The following MCM9 variants were observed in gnomAD, a reference collection of about 807,000 sequenced individuals.
MCM9 encodes the protein DNA helicase MCM9.
MCM9 carries 55 observed loss-of-function variants against 72.8 expected under a neutral mutation model. The ratio of observed to expected loss-of-function variants is 0.76; its 90% CI spans 0.61 to 0.95. The LOEUF is 0.95. Among genes scored for constraint, MCM9 ranks in the 40% least tolerant of loss-of-function variants. The probability of loss-of-function intolerance (pLI) is 0.00; values close to 1 mark genes in which losing one functional copy is unlikely to be tolerated. For missense variants in MCM9, 1,279 were observed against 1,377.0 expected (o/e 0.93, Z 1.13); for synonymous variants, 480 against 503.4 (o/e 0.95, Z 0.62).
At chr6:118,922,967 G>A (rs1038345221) in intron 4 of MCM9, among the ~76,000 whole-genome samples, 71 of 149,240 alleles carry the variant, frequency 4.8e-4, no homozygotes, top group African/African-American at 1.8e-3. Flanking sequence ...AGGAGGTAGA[G>A]GTTACAGTGA....
At chr6:118,854,113 T>C (rs1049678332) in intron 9 of MCM9, among the ~76,000 whole-genome samples, 6 of 152,238 alleles carry the variant, frequency 3.9e-5, no homozygotes, top group African/African-American at 9.6e-5. Context: ...TAAGTTCTAG[T>C]AGCTTTTCTT....
intron 8 of MCM9, among the ~76,000 whole-genome samples, chr6:118,898,425 A>ATTT (rs34394511): frequency 2.1e-5 from 3 of 140,540 alleles, no homozygotes; most frequent in South Asian, 2.3e-4. Flanking sequence ...TTATGTAATA[A>ATTT]TTTTTTTTTT....
At chr6:118,879,941 G>A (rs529774761) in intron 8 of MCM9, among the ~76,000 whole-genome samples, 3 of 151,998 alleles carry the variant, frequency 2.0e-5, no homozygotes, top group South Asian at 4.2e-4. Context: ...CCACTTGGGA[G>A]GCAAGGCAAG....
intron 8 of MCM9, among the ~76,000 whole-genome samples, chr6:118,893,020 G>A (rs747065844): frequency 1.3e-5 from 2 of 152,126 alleles, no homozygotes; most frequent in Admixed American, 6.5e-5. Flanking sequence ...CTCTGAATTT[G>A]GCCAAGTTTG....
At chr6:118,902,159 GT>G (rs1779837008) in intron 8 of MCM9, among the ~76,000 whole-genome samples, 1 of 152,154 alleles carries the variant, frequency 6.6e-6, no homozygotes, top group South Asian at 2.1e-4. Context: ...AAAGACATGG[GT>G]AACAGAATGC....
At chr6:118,847,893 A>G (rs1775980256) in intron 9 of MCM9, among the ~76,000 whole-genome samples, 1 of 152,014 alleles carries the variant, frequency 6.6e-6, no homozygotes, top group Non-Finnish European at 1.5e-5. Context: ...GTCAATAGCA[A>G]CATAGAAAGC....
chr6:118,898,710 G>A (rs868691476), intron 8 of MCM9, among the ~76,000 whole-genome samples: 6 of 152,274 alleles, frequency 3.9e-5, no homozygotes, highest in Middle Eastern at 3.4e-3. Flanking sequence ...GAGCCACTGC[G>A]CCCAGCCACT....
chr6:118,874,906 G>A (rs1314093388), intron 8 of MCM9, among the ~76,000 whole-genome samples: 1 of 152,206 alleles, frequency 6.6e-6, no homozygotes, highest in Admixed American at 6.5e-5. Context: ...CTGAGGTCAG[G>A]AGTTCGAGAC....
intron 8 of MCM9, among the ~76,000 whole-genome samples, chr6:118,899,312 C>T (rs1193487041): frequency 6.6e-6 from 1 of 152,210 alleles, no homozygotes; most frequent in Non-Finnish European, 1.5e-5. Flanking sequence ...CTTATGATGG[C>T]CTTCAAAACC....
chr6:118,841,771 A>G (rs1464868942), intron 9 of MCM9, among the ~76,000 whole-genome samples: 1 of 152,136 alleles, frequency 6.6e-6, no homozygotes, highest in African/African-American at 2.4e-5. Flanking sequence ...CAGCTAGCAG[A>G]AAGCATGACA....
Position 118,862,682 on chromosome 6 carries a change from A to G in MCM9, c.1151-6137T>C, listed in dbSNP as rs145148432. 1.1e-3 allele frequency among the ~76,000 whole-genome samples: 171 copies of G among 152,282 alleles called. 1 individual carries two copies. The highest frequency in any genetic ancestry group is 4.0e-3 in the African/African-American group (165 of 41,548). ...CGAGCAATGGGGAGCAGCTATAAATAGAGACATAGCTTCGATTACTTGCCT... is the reference window on the plus strand; with the variant it reads ...CGAGCAATGGGGAGCAGCTATAAATGGAGACATAGCTTCGATTACTTGCCT... On this transcript the variant is annotated intron_variant, in intron 8 of 13. Coordinates refer to ENST00000619706, the MANE Select transcript of MCM9 (RefSeq NM_017696.3).
intron 3 of MCM9, among the ~76,000 whole-genome samples, chr6:118,926,787 T>C (rs991616644): frequency 1.7e-4 from 26 of 152,120 alleles, no homozygotes; most frequent in African/African-American, 5.6e-4. Flanking sequence ...ATCTTGGGCA[T>C]ACAGCTAAGG....
Position 118,923,939 on chromosome 6 carries a change from T to C in MCM9, c.493A>G (p.Thr165Ala). The change falls in exon 4 of 14, where the codon ACC becomes GCC. Residue 165 changes from threonine (T) to alanine (A), a missense_variant. By Grantham distance (58) the Thr-to-Ala change is moderately conservative. Transcript: ENST00000619706. Reference protein sequence around the residue: ...VIKADFEQYYTFCRPSSCPSL... With the variant: ...VIKADFEQYYAFCRPSSCPSL... ...GGACACGAGGATGGCCGGCAAAAGG[T>C]GTAATACTGCTCAAAGTCAGCCTTG... is the stretch of plus-strand genomic sequence containing the variant. The C allele has an allele frequency of 6.2e-7, 1 of 1,614,166 alleles. No individual in the cohort carries two copies. Among genetic ancestry groups the C allele is most frequent in the Non-Finnish European group, 8.5e-7 (1 of 1,180,032 alleles).
intron 8 of MCM9, 112 bp from the exon 9 acceptor site, chr6:118,856,657 T>C (rs923065178): frequency 2.7e-5 from 31 of 1,150,108 alleles, no homozygotes; most frequent in Non-Finnish European, 3.4e-5. Flanking sequence ...GGTGAGAAGA[T>C]TTCTTGAACA....
chr6:118,847,859 T>C (rs1009589931), intron 9 of MCM9, among the ~76,000 whole-genome samples: 2 of 151,820 alleles, frequency 1.3e-5, no homozygotes, highest in African/African-American at 4.9e-5. Flanking sequence ...TTAGAGCAAG[T>C]GATATCAGAA....
chr6:118,872,089 G>A (rs1261693327), intron 8 of MCM9, among the ~76,000 whole-genome samples: 2 of 152,106 alleles, frequency 1.3e-5, no homozygotes, highest in African/African-American at 2.4e-5. Context: ...AGGCCAAGGC[G>A]GGTGGATCAC....
chr6:118,816,377 T>C, intron 13 of MCM9, 83 bp from the exon 14 acceptor site: 1 of 1,194,802 alleles, frequency 8.4e-7, no homozygotes, highest in Non-Finnish European at 1.1e-6. Flanking sequence ...GTCTCTGAGA[T>C]ACCATCTTAA....
chr6:118,887,237 T>C (rs1209100746), intron 8 of MCM9, among the ~76,000 whole-genome samples: 3 of 152,114 alleles, frequency 2.0e-5, no homozygotes, highest in African/African-American at 7.2e-5. Context: ...TTTCAAAACA[T>C]ACTACACAAA....
chr6:118,850,720 G>T (rs140891149), intron 9 of MCM9, among the ~76,000 whole-genome samples: 110,100 of 151,634 alleles, frequency 0.73, 41,400 homozygotes, highest in South Asian at 0.83. Context: ...CATCTGCTCC[G>T]CCTGGGGGTT....
Sources: allele counts gnomAD v4.1 joint callset (sites outside exome capture counted in the v4.1 genomes callset), GRCh38; gene constraint gnomAD v4.1.1; transcripts MANE v1.5; gene names NCBI Gene and HGNC (gene_info 2026-07-23, HGNC 2026-07-21).